Variants in LRP2 observed in about 807,000 individuals in gnomAD.
The protein encoded by LRP2 is low-density lipoprotein receptor-related protein 2.
In LRP2, 172 loss-of-function variants were observed where a neutral mutation model predicts 531.0. The ratio of observed to expected loss-of-function variants is 0.32; its 90% CI spans 0.29 to 0.37. The LOEUF is 0.37. LRP2 is among the 10% of genes least tolerant of loss of function. The pLI, the probability that LRP2 is intolerant of heterozygous loss-of-function variation, is 1.00. For synonymous variants in LRP2, 1,992 were observed against 2,027.6 expected (o/e 0.98, Z 0.47); for missense variants, 5,167 against 5,868.3 (o/e 0.88, Z 3.90).
intron 68 of LRP2, among the ~76,000 whole-genome samples, chr2:169,149,244 T>C (rs1686035813): frequency 6.6e-6 from 1 of 152,204 alleles, no homozygotes; most frequent in Non-Finnish European, 1.5e-5. Context: ...ATAGAATAAA[T>C]GTTGGCACTT....
At position 169,198,922 on chromosome 2, in the gene LRP2, A is replaced by G. The variant is rs11898106; in HGVS notation, c.8453-11T>C. ...GGCAAGTGCGATCAGCTTGAAAAAG[A>G]CAACCAGATAAATATTAGGAATATA... On this transcript the variant is annotated splice_polypyrimidine_tract_variant and intron_variant, in intron 44 of 78. Coordinates refer to ENST00000649046, the MANE Select transcript of LRP2 (RefSeq NM_004525.3). 24,816 of 1,612,056 alleles carry G rather than the reference A, an allele frequency of 0.015. 3,182 individuals are homozygous for G. In the African/African-American group the frequency reaches 0.28, roughly 18 times the overall value.
chr2:169,140,561 G>C lies in LRP2; in HGVS notation c.13109-16C>G, dbSNP rs765607934. The C allele has an allele frequency of 2.5e-6, 4 of 1,591,248 alleles. No homozygotes were observed. The East Asian group carries it at 8.9e-5, about 36-fold the overall frequency. On this transcript the variant is annotated splice_polypyrimidine_tract_variant and intron_variant, in intron 71 of 78. Coordinates refer to ENST00000649046, the MANE Select transcript of LRP2 (RefSeq NM_004525.3). The stretch of plus-strand genomic sequence containing the variant: ...AGTTCGATGGCTGCAGGAAGGGAAA[G>C]CCATGCAGGTGTTAGTCAGCTGTAC...
chr2:169,332,929 T>C (rs1325789632), intron 1 of LRP2, among the ~76,000 whole-genome samples: 1 of 152,174 alleles, frequency 6.6e-6, no homozygotes, highest in Non-Finnish European at 1.5e-5. Flanking sequence ...AATAACTGAG[T>C]TGCACACACA....
chr2:169,205,723 T>G (rs1171185203), intron 40 of LRP2, 86 bp from the exon 41 acceptor site: 2 of 1,340,234 alleles, frequency 1.5e-6, no homozygotes, highest in Non-Finnish European at 1.1e-6. Context: ...ATTCTTTAAT[T>G]GCAAATTGCC....
chr2:169,268,614 G>C (rs9677474), intron 16 of LRP2, among the ~76,000 whole-genome samples: 146,957 of 152,264 alleles, frequency 0.97, 71,131 homozygotes, highest in Middle Eastern at 1. Flanking sequence ...AAAATAATAA[G>C]AGCTATTTAT....
rs201013052 is a variant in LRP2, at chr2:169,165,906, C to G, written c.11758+26G>C. 2.7e-5 allele frequency: 44 copies of G among 1,613,632 alleles called. No homozygotes were observed. The East Asian group carries it at 9.6e-4, about 35-fold the overall frequency. On this transcript the variant is annotated intron_variant, in intron 62 of 78. Coordinates refer to ENST00000649046, the MANE Select transcript of LRP2 (RefSeq NM_004525.3). ...AGACCACTTGGGGTCCTTCCTTTTT[C>G]CTTCTCCCTTTTGACTTTTGCTTAC...
At chr2:169,350,040 G>T (rs904927482) in intron 1 of LRP2, among the ~76,000 whole-genome samples, 2 of 152,204 alleles carry the variant, frequency 1.3e-5, no homozygotes, top group Non-Finnish European at 2.9e-5. Context: ...GCAGTCGGTT[G>T]AATCAGGGTG....
At chr2:169,270,804 AAAT>A in intron 16 of LRP2, 97 bp downstream of exon 16, 17 of 553,986 alleles carry the variant, frequency 3.1e-5, no homozygotes, top group Non-Finnish European at 5.1e-5. Flanking sequence ...GACTGCTTAA[AAAT>A]TAGATACTGA....
intron 1 of LRP2, among the ~76,000 whole-genome samples, chr2:169,340,314 G>T (rs1368918465): frequency 6.6e-6 from 1 of 152,116 alleles, no homozygotes; most frequent in Non-Finnish European, 1.5e-5. Flanking sequence ...GAGAAGATGT[G>T]CAGTGTCACC....
rs1201483417 is a variant in LRP2 at position 169,207,269 on chromosome 2, T to C, written c.6470-19A>G. 4.5e-6 allele frequency: 7 copies of C among 1,565,120 alleles called. No homozygotes were observed. Among genetic ancestry groups the C allele is most frequent in the Non-Finnish European group, 6.2e-6 (7 of 1,135,882 alleles). On this transcript the variant is annotated intron_variant, in intron 38 of 78. Coordinates refer to ENST00000649046, the MANE Select transcript of LRP2 (RefSeq NM_004525.3). ...AGATTTCCTATGGGAAAAATGAAAG[T>C]GCATGCTGATCAATGGAGAACCAAG...
In LRP2 at chr2:169,307,316, C is replaced by T. The variant is rs1256729775; in HGVS notation, c.392G>A (p.Arg131Lys). Residue 131 changes from arginine (R) to lysine (K), a missense_variant, in exon 4 of 79, where the codon AGA (arginine) becomes AAA (lysine). Arg to Lys is a conservative substitution (Grantham distance 26, BLOSUM62 2). Around this residue, in one of 6 missense-constraint regions of LRP2, gnomAD observed 2,811 missense variants for 3,058.0 expected, o/e 0.92. Coordinates refer to ENST00000649046, the MANE Select transcript of LRP2 (RefSeq NM_004525.3). ...IPSEYRCDHVRDCPDGADEND... is the reference protein window; with the variant it reads ...IPSEYRCDHVKDCPDGADEND... ...CTCATCAGCTCCATCGGGGCAGTCT[C>T]TGACGTGGTCGCACCTGTATTCACT... 1 of 1,614,040 alleles carries T rather than the reference C, an allele frequency of 6.2e-7. No individual in the cohort carries two copies. Among genetic ancestry groups the T allele is most frequent in the Admixed American group, 1.7e-5 (1 of 60,022 alleles).
intron 52 of LRP2, among the ~76,000 whole-genome samples, chr2:169,180,395 C>T (rs1331002939): frequency 2.0e-5 from 3 of 152,176 alleles, no homozygotes; most frequent in African/African-American, 4.8e-5. Flanking sequence ...TTAGTCTCTA[C>T]CCTAAGAGTG....
In LRP2 at chr2:169,215,474, G is replaced by T. The variant is rs190123779; in HGVS notation, c.5826+779C>A. Among the ~76,000 whole-genome samples, 5 of 152,090 alleles carry T rather than the reference G, an allele frequency of 3.3e-5. No individual in the cohort carries two copies. In the East Asian group the frequency reaches 9.7e-4, roughly 29 times the overall value. ...GTAGAATATAATGAACCCAACCTTG[G>T]AGTTGAAAATCACCACTAAAGAAAG... On this transcript the variant is annotated intron_variant, in intron 35 of 78. Transcript: ENST00000649046.
intron 6 of LRP2, among the ~76,000 whole-genome samples, chr2:169,293,196 C>T (rs1444729349): frequency 1.3e-5 from 2 of 152,200 alleles, no homozygotes; most frequent in African/African-American, 2.4e-5. Context: ...AATCACCACG[C>T]AAAGCTGCCA....
Position 169,268,709 on chromosome 2 carries a change from C to G in LRP2, c.2320+2195G>C, listed in dbSNP as rs570304433. The stretch of plus-strand genomic sequence containing the variant: ...AACTGGCACAAGGCAGGGATGCCCT[C>G]TCTCGCCACTCCTACTCAGCATAGT... On this transcript the variant is annotated intron_variant, in intron 16 of 78. Coordinates refer to ENST00000649046, the MANE Select transcript of LRP2 (RefSeq NM_004525.3). 1.5e-3 allele frequency among the ~76,000 whole-genome samples: 236 copies of G among 152,326 alleles called. 2 individuals are homozygous for G. Among genetic ancestry groups the G allele is most frequent in the African/African-American group, 5.6e-3 (232 of 41,576 alleles).
intron 1 of LRP2, among the ~76,000 whole-genome samples, chr2:169,342,244 C>T (rs1685582805): frequency 6.7e-6 from 1 of 149,420 alleles, no homozygotes; most frequent in Non-Finnish European, 1.5e-5. Flanking sequence ...TTAACATACA[C>T]ATACATTGAA....
intron 49 of LRP2, among the ~76,000 whole-genome samples, chr2:169,186,496 G>A (rs920472007): frequency 2.0e-5 from 3 of 152,200 alleles, no homozygotes; most frequent in African/African-American, 2.4e-5. Flanking sequence ...GGCTGGTCCT[G>A]TAACACATGG....
chr2:169,243,179 C>T (rs1000846005), intron 23 of LRP2, 107 bp from the exon 24 acceptor site: 4 of 986,926 alleles, frequency 4.1e-6, no homozygotes, highest in African/African-American at 3.2e-5. Context: ...AGTACATATG[C>T]AGAACATGCA....
At chr2:169,224,964 G>A (rs748834855) in intron 33 of LRP2, among the ~76,000 whole-genome samples, 10 of 151,930 alleles carry the variant, frequency 6.6e-5, no homozygotes, top group Non-Finnish European at 1.2e-4. Context: ...GGTGGTGCAC[G>A]CCTGTAATCC....
Sources: allele counts gnomAD v4.1 joint callset (sites outside exome capture counted in the v4.1 genomes callset), GRCh38; gene constraint gnomAD v4.1.1; regional missense constraint gnomAD v4.1.1; transcripts MANE v1.5; gene names NCBI Gene and HGNC (gene_info 2026-07-23, HGNC 2026-07-21).